GPAT3: variants seen among roughly 807,000 people sequenced by gnomAD.
GPAT3 encodes 1-AGP acyltransferase 9.
In GPAT3, 53 loss-of-function variants were observed where a neutral mutation model predicts 58.8. The ratio of observed to expected loss-of-function variants is 0.90; its 90% CI spans 0.72 to 1.13. GPAT3 has a LOEUF of 1.13. GPAT3 is among the 50% of genes most tolerant of loss of function. GPAT3 has a pLI of 0.00. For synonymous variants in GPAT3, 197 were observed against 187.4 expected (o/e 1.05, Z -0.42); for missense variants, 511 against 527.6 (o/e 0.97, Z 0.31).
intron 6 of GPAT3, 139 bp from the exon 7 acceptor site, chr4:83,594,706 T>G: frequency 1.5e-6 from 1 of 653,126 alleles, no homozygotes; most frequent in South Asian, 2.0e-5. Context: ...TTTCAGACTA[T>G]TTGATCAGAC....
Position 83,560,576 on chromosome 4 carries a change from A to G in GPAT3, c.208+15974A>G, listed in dbSNP as rs374947847. Among the ~76,000 whole-genome samples the G allele has an allele frequency of 3.9e-5, 6 of 152,296 alleles. No individual in the cohort carries two copies. In the South Asian group the frequency reaches 1.2e-3, roughly 32 times the overall value. On this transcript the variant is annotated intron_variant, in intron 2 of 11. Transcript: ENST00000264409. ...TACTTTGGCCCCTTTACCTTTAAGT[A>G]TCTGGGAAAAAGCACTCTATGCAGA... is the stretch of plus-strand genomic sequence containing the variant.
At chr4:83,566,409 A>G (rs908335957) in intron 2 of GPAT3, among the ~76,000 whole-genome samples, 1 of 134,272 alleles carries the variant, frequency 7.4e-6, no homozygotes, top group Non-Finnish European at 1.5e-5. Context: ...TTTTTTAAAA[A>G]ATTAATTAAT....
intron 2 of GPAT3, among the ~76,000 whole-genome samples, chr4:83,562,830 C>CTA (rs1463342899): frequency 3.9e-4 from 55 of 140,182 alleles, no homozygotes; most frequent in African/African-American, 1.3e-3. Context: ...AGACTTCTAA[C>CTA]TATATATATA....
At chr4:83,546,702 A>G (rs972170544) in intron 2 of GPAT3, among the ~76,000 whole-genome samples, 1 of 152,174 alleles carries the variant, frequency 6.6e-6, no homozygotes, top group Admixed American at 6.5e-5. Flanking sequence ...AAGGATCCAA[A>G]GTTGATTAAG....
chr4:83,554,181 C>T (rs187592729), intron 2 of GPAT3, among the ~76,000 whole-genome samples: 13 of 151,996 alleles, frequency 8.6e-5, no homozygotes, highest in Admixed American at 8.5e-4. Flanking sequence ...TTTGTAGAGG[C>T]GGGGTCTCAT....
chr4:83,552,309 A>G (rs1191870568), intron 2 of GPAT3, among the ~76,000 whole-genome samples: 1 of 152,094 alleles, frequency 6.6e-6, no homozygotes, highest in Middle Eastern at 3.2e-3. Flanking sequence ...GACAACCAAC[A>G]ATGTGTGCAG....
At chr4:83,552,043 G>C (rs987937291) in intron 2 of GPAT3, among the ~76,000 whole-genome samples, 1 of 152,120 alleles carries the variant, frequency 6.6e-6, no homozygotes, top group African/African-American at 2.4e-5. Flanking sequence ...GATGTGATTT[G>C]ATGGTTATCT....
chr4:83,574,624 A>ATTTTTTTTTTTTTTT (rs561972057), intron 2 of GPAT3, among the ~76,000 whole-genome samples: 4 of 55,592 alleles, frequency 7.2e-5, no homozygotes, highest in Admixed American at 2.4e-4. Flanking sequence ...AGTAAAATGA[A>ATTTTTTTTTTTTTTT]TTTTTTTTTT....
At chr4:83,565,327 C>G (rs1220463033) in intron 2 of GPAT3, among the ~76,000 whole-genome samples, 1 of 152,004 alleles carries the variant, frequency 6.6e-6, no homozygotes. Flanking sequence ...TCTCGAACTC[C>G]TGACCTCAAG....
chr4:83,551,091 T>C (rs1276500597), intron 2 of GPAT3, among the ~76,000 whole-genome samples: 1 of 152,192 alleles, frequency 6.6e-6, no homozygotes, highest in Non-Finnish European at 1.5e-5. Context: ...TCTCCTAAAA[T>C]ATCAAATGTA....
intron 3 of GPAT3, among the ~76,000 whole-genome samples, chr4:83,583,667 G>GAAGAAAAAAAAAA (rs760151577): frequency 4.3e-5 from 1 of 23,462 alleles, no homozygotes; most frequent in African/African-American, 1.9e-4. Context: ...ACTCTTGTCT[G>GAAGAAAAAAAAAA]AAAAAAAAAA....
At chr4:83,547,449 T>C (rs928275193) in intron 2 of GPAT3, among the ~76,000 whole-genome samples, 2 of 151,658 alleles carry the variant, frequency 1.3e-5, no homozygotes, top group Non-Finnish European at 2.9e-5. Context: ...AGACGGGGTT[T>C]CACCGTGTTA....
At chr4:83,576,433 T>C (rs1221133553) in intron 2 of GPAT3, among the ~76,000 whole-genome samples, 2 of 150,582 alleles carry the variant, frequency 1.3e-5, no homozygotes, top group Non-Finnish European at 3.0e-5. Context: ...TATTTATTTA[T>C]TTATTTATTT....
At chr4:83,558,984 A>G (rs1177027522) in intron 2 of GPAT3, among the ~76,000 whole-genome samples, 1 of 152,224 alleles carries the variant, frequency 6.6e-6, no homozygotes, top group African/African-American at 2.4e-5. Flanking sequence ...GAGATGGAAC[A>G]AAAAGATTGG....
At chr4:83,594,343 A>G (rs1193796705) in intron 6 of GPAT3, among the ~76,000 whole-genome samples, 2 of 152,216 alleles carry the variant, frequency 1.3e-5, no homozygotes, top group Non-Finnish European at 2.9e-5. Context: ...TTGGAAGTAT[A>G]TCTTCAGGGT....
intron 11 of GPAT3, among the ~76,000 whole-genome samples, chr4:83,600,801 C>T (rs1346226839): frequency 1.3e-5 from 2 of 152,060 alleles, no homozygotes; most frequent in Non-Finnish European, 2.9e-5. Flanking sequence ...CGATCCTGGC[C>T]GGGAGATTGG....
rs202230089 is a variant in GPAT3, at chr4:83,593,877, A to AT, written c.739-960dup. Among the ~76,000 whole-genome samples the AT allele has an allele frequency of 6.6e-3, 1,007 of 151,972 alleles. 11 individuals carry two copies. Among genetic ancestry groups the AT allele is most frequent in the African/African-American group, 0.023 (966 of 41,464 alleles). On this transcript the variant is annotated intron_variant, in intron 6 of 11. Transcript: ENST00000264409. ...CTGTCATTCGCTCCTTACTGATTTA[A>AT]TTTTTTTTGAATATGTAGGGTATCA...
chr4:83,598,242 TG>T, intron 10 of GPAT3, 63 bp downstream of exon 10: 2 of 1,572,496 alleles, frequency 1.3e-6, no homozygotes, highest in South Asian at 2.4e-5. Flanking sequence ...CCTGAAAATC[TG>T]GGTGTCTCCC....
intron 1 of GPAT3, among the ~76,000 whole-genome samples, chr4:83,540,449 CTTTGTA>C (rs893796540): frequency 1.3e-5 from 2 of 152,028 alleles, no homozygotes; most frequent in African/African-American, 4.8e-5. Context: ...GATATTCTGT[CTTTGTA>C]TTTGGGTGGA....
Sources: gnomAD v4.1 joint callset for allele counts (sites outside exome capture counted in the v4.1 genomes callset) on GRCh38, gnomAD v4.1.1 for gene constraint, MANE v1.5 for transcripts, NCBI Gene and HGNC (gene_info 2026-07-23, HGNC 2026-07-21) for gene names.